JAKMIP2: variants seen among roughly 807,000 people sequenced by gnomAD.
JAKMIP2 encodes the protein janus kinase and microtubule interacting protein 2, also known as janus kinase and microtubule-interacting protein 2.
In JAKMIP2, 25 loss-of-function variants were observed where a neutral mutation model predicts 115.0. That is an observed-to-expected ratio of 0.22 (90% confidence interval 0.16 to 0.30). The LOEUF (loss-of-function observed/expected upper bound fraction) is 0.30, where lower values mean the gene tolerates loss of function less well. Ranked by LOEUF, JAKMIP2 falls within the 10% of genes least tolerant of loss-of-function variation. The pLI is 1.00. For missense variants in JAKMIP2, 642 were observed against 957.6 expected (o/e 0.67, Z 4.35); for synonymous variants, 334 against 343.6 (o/e 0.97, Z 0.31).
At chr5:147,779,047 A>G (rs1409252228) in intron 1 of JAKMIP2, among the ~76,000 whole-genome samples, 3 of 152,128 alleles carry the variant, frequency 2.0e-5, no homozygotes, top group African/African-American at 7.2e-5. Flanking sequence ...TATTTATGTT[A>G]AAACTTCCAC....
Position 147,777,094 on chromosome 5 carries a change from G to A in JAKMIP2, c.-149+5362C>T, listed in dbSNP as rs556419978. ...GTGAAACTCCTAGTGACTCAAACAGGGATTTCACTGCCTTGGATTCAGACC... is the reference window on the plus strand; with the variant it reads ...GTGAAACTCCTAGTGACTCAAACAGAGATTTCACTGCCTTGGATTCAGACC... On this transcript the variant is annotated intron_variant, in intron 1 of 21. Transcript: ENST00000616793. Among the ~76,000 whole-genome samples, 138 of 152,152 alleles carry A rather than the reference G, an allele frequency of 9.1e-4. 1 individual carries two copies. In the Middle Eastern group the frequency reaches 0.014, roughly 15 times the overall value.
At chr5:147,730,560 A>T (rs1241289614) in intron 1 of JAKMIP2, among the ~76,000 whole-genome samples, 3 of 151,642 alleles carry the variant, frequency 2.0e-5, no homozygotes, top group East Asian at 3.9e-4. Flanking sequence ...GGTTCAAGTG[A>T]TTCTCCTGCC....
chr5:147,637,821 T>C (rs1447467933), intron 10 of JAKMIP2, among the ~76,000 whole-genome samples: 2 of 152,182 alleles, frequency 1.3e-5, no homozygotes, highest in Admixed American at 6.5e-5. Context: ...TGTGTGTAAG[T>C]AGTTTTGAAT....
chr5:147,670,536 A>G (rs193267778), intron 2 of JAKMIP2, among the ~76,000 whole-genome samples: 8 of 152,304 alleles, frequency 5.3e-5, no homozygotes, highest in Admixed American at 2.6e-4. Flanking sequence ...TTGCTTGTGC[A>G]TTTAGGCGAT....
intron 18 of JAKMIP2, among the ~76,000 whole-genome samples, chr5:147,620,240 T>C (rs1756784431): frequency 6.6e-6 from 1 of 152,078 alleles, no homozygotes; most frequent in Non-Finnish European, 1.5e-5. Context: ...TACTACAAAG[T>C]GCATGTCACC....
At chr5:147,748,063 G>C (rs1357253116) in intron 1 of JAKMIP2, among the ~76,000 whole-genome samples, 1 of 152,148 alleles carries the variant, frequency 6.6e-6, no homozygotes, top group Non-Finnish European at 1.5e-5. Context: ...CGAGCACTCT[G>C]CTAAAGGTTT....
chr5:147,710,595 T>G (rs1752740214), intron 1 of JAKMIP2, among the ~76,000 whole-genome samples: 1 of 152,202 alleles, frequency 6.6e-6, no homozygotes, highest in South Asian at 2.1e-4. Flanking sequence ...TTGCTTTATC[T>G]CCTTCTCAGG....
At chr5:147,627,510 T>G (rs149965152) in intron 16 of JAKMIP2, among the ~76,000 whole-genome samples, 1 of 152,128 alleles carries the variant, frequency 6.6e-6, no homozygotes, top group East Asian at 1.9e-4. Context: ...ATTTGGACCT[T>G]CTGTTAGAGA....
At chr5:147,662,667 A>G (rs945890704) in intron 2 of JAKMIP2, among the ~76,000 whole-genome samples, 1 of 151,916 alleles carries the variant, frequency 6.6e-6, no homozygotes, top group African/African-American at 2.4e-5. Context: ...CCCCGCATGC[A>G]CACACACACA....
At chr5:147,680,768 T>A (rs1394111397) in intron 1 of JAKMIP2, among the ~76,000 whole-genome samples, 1 of 152,176 alleles carries the variant, frequency 6.6e-6, no homozygotes, top group Non-Finnish European at 1.5e-5. Context: ...GACCCAAAAA[T>A]TTAATGTAAA....
chr5:147,707,878 C>G (rs1752639959), intron 1 of JAKMIP2, among the ~76,000 whole-genome samples: 1 of 152,112 alleles, frequency 6.6e-6, no homozygotes, highest in Admixed American at 6.6e-5. Context: ...TTCCACAGGA[C>G]AGAATATAAG....
intron 1 of JAKMIP2, among the ~76,000 whole-genome samples, chr5:147,764,913 A>AGAAG (rs1561582266): frequency 3.0e-5 from 3 of 100,276 alleles, no homozygotes; most frequent in African/African-American, 1.7e-4. Flanking sequence ...AAAGAAAGAA[A>AGAAG]GAAAGAAAGA....
At chr5:147,728,671 CT>C in intron 1 of JAKMIP2, among the ~76,000 whole-genome samples, 1 of 152,214 alleles carries the variant, frequency 6.6e-6, no homozygotes, top group Admixed American at 6.5e-5. Flanking sequence ...AAACTAATGC[CT>C]TTTAGTTCAC....
intron 15 of JAKMIP2, 47 bp from the exon 16 acceptor site, chr5:147,628,863 TACCCCA>T (rs1757229888): frequency 7.1e-7 from 1 of 1,414,366 alleles, no homozygotes; most frequent in Non-Finnish European, 1.0e-6. Context: ...TGACATTATT[TACCCCA>T]AAGAAAATAC....
At chr5:147,730,978 A>G (rs1032285813) in intron 1 of JAKMIP2, among the ~76,000 whole-genome samples, 5 of 152,136 alleles carry the variant, frequency 3.3e-5, no homozygotes, top group African/African-American at 1.2e-4. Flanking sequence ...GTCCTGAATA[A>G]AGGATTTTTT....
intron 1 of JAKMIP2, among the ~76,000 whole-genome samples, chr5:147,750,010 G>A (rs1050901888): frequency 6.6e-6 from 1 of 152,156 alleles, no homozygotes; most frequent in Non-Finnish European, 1.5e-5. Flanking sequence ...GAATATTCAT[G>A]AAAACTACTT....
intron 1 of JAKMIP2, among the ~76,000 whole-genome samples, chr5:147,729,284 G>A (rs1168761974): frequency 2.0e-5 from 3 of 152,082 alleles, no homozygotes; most frequent in Admixed American, 6.5e-5. Flanking sequence ...GCCTTGCCTA[G>A]GTCACCTCCT....
At chr5:147,617,742 T>A (rs1756658142) in intron 19 of JAKMIP2, among the ~76,000 whole-genome samples, 169 bp downstream of exon 19, 1 of 152,248 alleles carries the variant, frequency 6.6e-6, no homozygotes, top group African/African-American at 2.4e-5. Flanking sequence ...TATAAAACTG[T>A]CATTTTTGTA....
chr5:147,698,767 T>C (rs1752208166), intron 1 of JAKMIP2, among the ~76,000 whole-genome samples: 1 of 152,206 alleles, frequency 6.6e-6, no homozygotes, highest in Non-Finnish European at 1.5e-5. Flanking sequence ...CATGAGTCAA[T>C]TAAACCTCTT....
Sources: allele counts gnomAD v4.1 joint callset (sites outside exome capture counted in the v4.1 genomes callset), GRCh38; gene constraint gnomAD v4.1.1; transcripts MANE v1.5; gene names NCBI Gene and HGNC (gene_info 2026-07-23, HGNC 2026-07-21).